Variants in LHFPL3 observed in about 807,000 individuals in gnomAD.
The protein encoded by LHFPL3 is LHFPL tetraspan subfamily member 3, also known as LHFPL tetraspan subfamily member 3 protein.
A neutral mutation model predicts 19.3 loss-of-function variants in LHFPL3; 5 were observed. The ratio of observed to expected loss-of-function variants is 0.26; its 90% CI spans 0.14 to 0.54. The LOEUF (loss-of-function observed/expected upper bound fraction) is 0.54. Ranked by LOEUF, LHFPL3 falls within the 20% of genes least tolerant of loss-of-function variation. The probability of loss-of-function intolerance (pLI) is 0.94; values close to 1 mark genes in which losing one functional copy is unlikely to be tolerated. For synonymous variants in LHFPL3, 133 were observed against 126.2 expected (o/e 1.05, Z -0.36); for missense variants, 249 against 307.4 (o/e 0.81, Z 1.42).
At chr7:104,625,995 C>A (rs1159493023) in intron 1 of LHFPL3, among the ~76,000 whole-genome samples, 1 of 152,086 alleles carries the variant, frequency 6.6e-6, no homozygotes, top group Non-Finnish European at 1.5e-5. Context: ...CCTGACAGGC[C>A]CTAATAAGTT....
At chr7:104,379,312 C>T (rs1790777283) in intron 1 of LHFPL3, among the ~76,000 whole-genome samples, 1 of 152,204 alleles carries the variant, frequency 6.6e-6, no homozygotes, top group Non-Finnish European at 1.5e-5. Flanking sequence ...GTCTGCACTT[C>T]TTGGGCCTCC....
chr7:104,435,580 TATCACCC>T, intron 1 of LHFPL3, among the ~76,000 whole-genome samples: 1 of 151,182 alleles, frequency 6.6e-6, no homozygotes. Flanking sequence ...TTTTTACTTT[TATCACCC>T]TTCCTCACTC....
chr7:104,633,899 T>C (rs1051976087), intron 1 of LHFPL3, among the ~76,000 whole-genome samples: 3 of 152,216 alleles, frequency 2.0e-5, no homozygotes, highest in African/African-American at 7.2e-5. Flanking sequence ...ATTTCCTTGC[T>C]ACCCATTTTG....
intron 2 of LHFPL3, among the ~76,000 whole-genome samples, chr7:104,798,572 GT>G (rs1302117031): frequency 2.0e-5 from 3 of 152,128 alleles, no homozygotes; most frequent in Non-Finnish European, 4.4e-5. Context: ...AAAATTATAA[GT>G]TGGTATCATT....
chr7:104,690,313 A>G (rs1792884142), intron 1 of LHFPL3, among the ~76,000 whole-genome samples: 1 of 152,244 alleles, frequency 6.6e-6, no homozygotes. Context: ...CTTTTTCTCC[A>G]TTCCTATTTA....
At chr7:104,539,783 C>T (rs1056044680) in intron 1 of LHFPL3, among the ~76,000 whole-genome samples, 1 of 152,190 alleles carries the variant, frequency 6.6e-6, no homozygotes, top group Non-Finnish European at 1.5e-5. Context: ...CTCTTTTCCA[C>T]TTTTTTAGTA....
At chr7:104,619,401 A>G (rs1791403136) in intron 1 of LHFPL3, among the ~76,000 whole-genome samples, 1 of 152,176 alleles carries the variant, frequency 6.6e-6, no homozygotes, top group African/African-American at 2.4e-5. Context: ...ACTTTGTTAC[A>G]TATCAGCTTG....
intron 2 of LHFPL3, among the ~76,000 whole-genome samples, chr7:104,885,209 C>T (rs922858907): frequency 2.0e-5 from 3 of 152,168 alleles, no homozygotes; most frequent in African/African-American, 7.2e-5. Context: ...GGGGTAGTAG[C>T]CCCCTTGCCC....
At position 104,906,346 on chromosome 7, in the gene LHFPL3, A is replaced by G; in HGVS notation, c.*131A>G. 9.4e-7 allele frequency: 1 copy of G among 1,061,428 alleles called. No individual in the cohort carries two copies. Among genetic ancestry groups the G allele is most frequent in the South Asian group, 1.5e-5 (1 of 65,696 alleles). The allele number at this position is 1,061,428 out of a possible 1,614,324, so 65.8% of individuals were successfully genotyped here. ...TCAGAGTATATAGATGAATATGAAC[A>G]AGAATGGAACATTCACTTGTCAACG... On this transcript the variant is annotated 3_prime_UTR_variant, in exon 3 of 3. Transcript: ENST00000424859.
At chr7:104,385,719 G>A (rs2188479) in intron 1 of LHFPL3, among the ~76,000 whole-genome samples, 51,792 of 152,048 alleles carry the variant, frequency 0.34, 9,178 homozygotes, top group Admixed American at 0.48. Flanking sequence ...AGGCTAGAAT[G>A]AACTAAGGTA....
At chr7:104,751,979 G>A (rs937587960) in intron 2 of LHFPL3, among the ~76,000 whole-genome samples, 1 of 152,068 alleles carries the variant, frequency 6.6e-6, no homozygotes, top group African/African-American at 2.4e-5. Flanking sequence ...TGGTGCTGGG[G>A]GCATTCCTGG....
At chr7:104,578,836 C>T (rs368626072) in intron 1 of LHFPL3, among the ~76,000 whole-genome samples, 8 of 152,260 alleles carry the variant, frequency 5.3e-5, no homozygotes, top group African/African-American at 1.9e-4. Flanking sequence ...TGAGATACAA[C>T]TCACTTGTAT....
chr7:104,471,813 T>C (rs6465990), intron 1 of LHFPL3, among the ~76,000 whole-genome samples: 1 of 152,014 alleles, frequency 6.6e-6, no homozygotes, highest in African/African-American at 2.4e-5. Context: ...CAAATGTTTA[T>C]AGTTGCTATG....
intron 1 of LHFPL3, among the ~76,000 whole-genome samples, chr7:104,659,972 C>A (rs1792193748): frequency 6.6e-6 from 1 of 151,028 alleles, no homozygotes; most frequent in Non-Finnish European, 1.5e-5. Flanking sequence ...AAATTGATGC[C>A]TTCCTAGCCC....
At chr7:104,744,199 T>C (rs1793997393) in intron 2 of LHFPL3, 1 of 152,180 alleles carries the variant, frequency 6.6e-6, no homozygotes, top group African/African-American at 2.4e-5. Flanking sequence ...GTAAAGAGTT[T>C]GGTCTTATTT....
chr7:104,593,856 G>A (rs1790781572), intron 1 of LHFPL3, among the ~76,000 whole-genome samples: 1 of 150,312 alleles, frequency 6.7e-6, no homozygotes, highest in African/African-American at 2.4e-5. Context: ...TCAGATACTA[G>A]GATTGCGACC....
chr7:104,515,201 G>A (rs1793897699), intron 1 of LHFPL3, among the ~76,000 whole-genome samples: 1 of 152,090 alleles, frequency 6.6e-6, no homozygotes, highest in South Asian at 2.1e-4. Flanking sequence ...TTTCAAAATA[G>A]CAGTTTAAAA....
intron 1 of LHFPL3, among the ~76,000 whole-genome samples, chr7:104,444,507 C>CA (rs1277317790): frequency 6.6e-6 from 1 of 152,196 alleles, no homozygotes; most frequent in Non-Finnish European, 1.5e-5. Flanking sequence ...AAGAGCTCTG[C>CA]ATCTCTATTG....
At chr7:104,737,803 T>C (rs1048915245) in intron 2 of LHFPL3, among the ~76,000 whole-genome samples, 4 of 152,180 alleles carry the variant, frequency 2.6e-5, no homozygotes, top group Non-Finnish European at 5.9e-5. Context: ...AGCTCTTATT[T>C]CTAATTGGGA....
Sources: allele counts gnomAD v4.1 joint callset (sites outside exome capture counted in the v4.1 genomes callset), GRCh38; gene constraint gnomAD v4.1.1; transcripts MANE v1.5; gene names NCBI Gene and HGNC (gene_info 2026-07-23, HGNC 2026-07-21).